The following COL13A1 variants were observed in gnomAD, a reference collection of about 807,000 sequenced individuals.
COL13A1 encodes collagen alpha-1(XIII) chain.
A neutral mutation model predicts 130.9 loss-of-function variants in COL13A1; 89 were observed. The ratio of observed to expected loss-of-function variants is 0.68; its 90% CI spans 0.57 to 0.81. The LOEUF is 0.81. Ranked by LOEUF, COL13A1 falls within the 30% of genes least tolerant of loss-of-function variation. COL13A1 has a pLI of 0.00. For missense variants in COL13A1, 879 were observed against 934.6 expected, an observed-to-expected ratio of 0.94 and a Z score of 0.78; for synonymous variants, 402 against 341.6, an observed-to-expected ratio of 1.18 and a Z score of -1.95.
At chr10:69,918,241 C>A in intron 18 of COL13A1, 44 bp from the exon 19 acceptor site, 1 of 1,596,494 alleles carries the variant, frequency 6.3e-7, no homozygotes, top group South Asian at 1.1e-5. Flanking sequence ...GCTGCCCCCT[C>A]GCTGCAGAAT....
At chr10:69,924,493 T>G (rs1054249784) in intron 24 of COL13A1, among the ~76,000 whole-genome samples, 3 of 151,946 alleles carry the variant, frequency 2.0e-5, no homozygotes, top group Admixed American at 6.6e-5. Flanking sequence ...CTCCTGGCCC[T>G]CCACATTTCA....
At position 69,897,505 on chromosome 10, in the gene COL13A1, C is replaced by T. The variant is rs756542671; in HGVS notation, c.685-1192C>T. On this transcript the variant is annotated intron_variant, in intron 13 of 40. Coordinates refer to ENST00000645393, the MANE Select transcript of COL13A1 (RefSeq NM_001368882.1). ...CCTAAGCAGCATGCCAGCAGCTCTG[C>T]GCTCCAGCCAAATAATTGCCCTGAA... 17 of 1,613,814 alleles carry T rather than the reference C, an allele frequency of 1.1e-5. No individual in the cohort carries two copies. Among genetic ancestry groups the T allele is most frequent in the South Asian group, 6.6e-5 (6 of 91,082 alleles).
chr10:69,857,632 G>A (rs758756393), intron 2 of COL13A1, among the ~76,000 whole-genome samples: 4 of 136,312 alleles, frequency 2.9e-5, no homozygotes, highest in Non-Finnish European at 4.7e-5. Context: ...CTCCCACCCC[G>A]AAAAATTGTC....
intron 2 of COL13A1, among the ~76,000 whole-genome samples, chr10:69,838,845 G>A (rs1448114322): frequency 6.6e-6 from 1 of 152,218 alleles, no homozygotes; most frequent in Non-Finnish European, 1.5e-5. Context: ...TGAGTCTCTG[G>A]GCCTCAGCTC....
intron 2 of COL13A1, among the ~76,000 whole-genome samples, chr10:69,865,285 A>C (rs927720113): frequency 6.6e-6 from 1 of 152,228 alleles, no homozygotes; most frequent in Non-Finnish European, 1.5e-5. Context: ...CAAGTGGCCC[A>C]CATGGGAGAG....
At chr10:69,848,642 A>C (rs1318727939) in intron 2 of COL13A1, among the ~76,000 whole-genome samples, 1 of 152,136 alleles carries the variant, frequency 6.6e-6, no homozygotes, top group Non-Finnish European at 1.5e-5. Context: ...CCGTCCTCTC[A>C]CCTGTCGCCT....
At position 69,820,603 on chromosome 10, in the gene COL13A1, C is replaced by T. The variant is rs531826659; in HGVS notation, c.295-1766C>T. ...CCTGGGGGCTCATTTGTTTGCCCAGCGGCCGCTCTGTGCCCACCTGTACCT... is the reference window on the plus strand; with the variant it reads ...CCTGGGGGCTCATTTGTTTGCCCAGTGGCCGCTCTGTGCCCACCTGTACCT... On this transcript the variant is annotated intron_variant, in intron 1 of 40. Coordinates refer to ENST00000645393, the MANE Select transcript of COL13A1 (RefSeq NM_001368882.1). Among the ~76,000 whole-genome samples, 7 of 152,320 alleles carry T rather than the reference C, an allele frequency of 4.6e-5. No individual in the cohort carries two copies. The South Asian group carries it at 8.3e-4, about 18-fold the overall frequency.
rs1848311411 is a variant in COL13A1, at chr10:69,829,535, G to T, written c.364+7097G>T. Among the ~76,000 whole-genome samples, 3 of 152,340 alleles carry T rather than the reference G, an allele frequency of 2.0e-5. No individual in the cohort carries two copies. In the South Asian group the frequency reaches 6.2e-4, roughly 32 times the overall value. On this transcript the variant is annotated intron_variant, in intron 2 of 40. Coordinates refer to ENST00000645393, the MANE Select transcript of COL13A1 (RefSeq NM_001368882.1). ...AAGCCAGACAGAACGTTATGCTTTA[G>T]AAATCAGCCAGTCCATAAAGCTTGG...
In COL13A1 at chr10:69,938,567, C is replaced by G. The variant is rs115959961; in HGVS notation, c.1878+852C>G. On this transcript the variant is annotated intron_variant, in intron 34 of 40. Transcript: ENST00000645393. ...AGGCTGATCTGAGGCCATGGCCTTG[C>G]AAAGCGACTCCTTCCAGCCACTCAG... 5.4e-3 allele frequency among the ~76,000 whole-genome samples: 824 copies of G among 152,260 alleles called. 10 individuals carry two copies. The highest frequency in any genetic ancestry group is 0.015 in the African/African-American group (618 of 41,558).
intron 7 of COL13A1, among the ~76,000 whole-genome samples, chr10:69,886,904 A>G (rs552694165): frequency 3.3e-5 from 5 of 152,318 alleles, no homozygotes; most frequent in African/African-American, 1.2e-4. Flanking sequence ...CACAAAGATT[A>G]GGGGATGCTC....
At chr10:69,852,961 C>T (rs755958870) in intron 2 of COL13A1, among the ~76,000 whole-genome samples, 4 of 152,142 alleles carry the variant, frequency 2.6e-5, no homozygotes, top group Non-Finnish European at 4.4e-5. Context: ...CTCTGACATC[C>T]GCCTGGCCTC....
intron 14 of COL13A1, among the ~76,000 whole-genome samples, chr10:69,902,478 C>G (rs545412667): frequency 2.0e-5 from 3 of 152,192 alleles, no homozygotes; most frequent in Non-Finnish European, 2.9e-5. Context: ...CCTCTGCCCC[C>G]CCGCAGAATG....
At chr10:69,905,900 G>T (rs2062704584) in intron 17 of COL13A1, 78 bp downstream of exon 17, 3 of 1,514,924 alleles carry the variant, frequency 2.0e-6, no homozygotes, top group East Asian at 4.6e-5. Flanking sequence ...GACCCAAGAG[G>T]GTCTCTCCCT....
At chr10:69,869,766 C>T (rs2058875573) in intron 3 of COL13A1, among the ~76,000 whole-genome samples, 1 of 152,120 alleles carries the variant, frequency 6.6e-6, no homozygotes, top group South Asian at 2.1e-4. Context: ...ATTGGCCATC[C>T]CTGGATTCAA....
chr10:69,952,655 G>C (rs891587292), intron 38 of COL13A1, among the ~76,000 whole-genome samples: 1 of 152,162 alleles, frequency 6.6e-6, no homozygotes, highest in Non-Finnish European at 1.5e-5. Context: ...TGAGCCCTCT[G>C]CCTGTCCTCC....
intron 2 of COL13A1, among the ~76,000 whole-genome samples, chr10:69,831,591 C>T (rs1198319002): frequency 7.9e-5 from 12 of 152,176 alleles, no homozygotes. Flanking sequence ...TGGTGCTTGC[C>T]TGATAGACTC....
rs137945731 is a variant in COL13A1 at position 69,866,876 on chromosome 10, C to T, written c.365-922C>T. Among the ~76,000 whole-genome samples, 357 of 152,210 alleles carry T rather than the reference C, an allele frequency of 2.3e-3. 1 individual carries two copies. The highest frequency in any genetic ancestry group is 4.4e-3 in the Non-Finnish European group (302 of 68,012). On this transcript the variant is annotated intron_variant, in intron 2 of 40. Coordinates refer to ENST00000645393, the MANE Select transcript of COL13A1 (RefSeq NM_001368882.1). ...CGAGCATAAAAGAAGCAACAGGAGT[C>T]GCAGCTGAGTTAACGTGGCCAGGGC... is the stretch of plus-strand genomic sequence containing the variant.
At chr10:69,816,969 G>C (rs1169580264) in intron 1 of COL13A1, among the ~76,000 whole-genome samples, 1 of 152,180 alleles carries the variant, frequency 6.6e-6, no homozygotes, top group Non-Finnish European at 1.5e-5. Flanking sequence ...TTTATGCTGG[G>C]AATAACAACA....
At chr10:69,884,030 C>G (rs751434537) in intron 7 of COL13A1, among the ~76,000 whole-genome samples, 96 of 152,164 alleles carry the variant, frequency 6.3e-4, no homozygotes, top group Non-Finnish European at 1.2e-3. Flanking sequence ...CAAGATGACA[C>G]CACATTTCTG....
Sources: gnomAD v4.1 joint callset for allele counts (sites outside exome capture counted in the v4.1 genomes callset) on GRCh38, gnomAD v4.1.1 for gene constraint, MANE v1.5 for transcripts, NCBI Gene and HGNC (gene_info 2026-07-23, HGNC 2026-07-21) for gene names.